The following BTBD9 variants were observed in gnomAD, a reference collection of about 807,000 sequenced individuals.
BTBD9 encodes BTB/POZ domain-containing protein 9.
BTBD9 carries 49 observed loss-of-function variants against 64.3 expected under a neutral mutation model. The ratio of observed to expected loss-of-function variants is 0.76; its 90% CI spans 0.61 to 0.97. BTBD9 has a LOEUF of 0.97. Among genes scored for constraint, BTBD9 ranks in the 50% least tolerant of loss-of-function variants. BTBD9 has a pLI of 0.00. For missense variants in BTBD9, 598 were observed against 762.1 expected, an observed-to-expected ratio of 0.78 and a Z score of 2.53; for synonymous variants, 260 against 274.7, an observed-to-expected ratio of 0.95 and a Z score of 0.53.
At chr6:38,333,832 G>T (rs1000441471) in intron 7 of BTBD9, among the ~76,000 whole-genome samples, 1 of 152,208 alleles carries the variant, frequency 6.6e-6, no homozygotes, top group African/African-American at 2.4e-5. Flanking sequence ...AGAGAAGTGT[G>T]CCATTGCTAC....
At chr6:38,341,713 T>A (rs561541803) in intron 7 of BTBD9, among the ~76,000 whole-genome samples, 2 of 152,316 alleles carry the variant, frequency 1.3e-5, no homozygotes, top group African/African-American at 4.8e-5. Flanking sequence ...GTCTCACTGG[T>A]AAGACAAGTT....
At chr6:38,221,222 A>G (rs563499528) in intron 9 of BTBD9, among the ~76,000 whole-genome samples, 74 of 152,292 alleles carry the variant, frequency 4.9e-4, no homozygotes, top group Non-Finnish European at 8.2e-4. Context: ...CCTACCAGTA[A>G]AAACTTCACA....
At chr6:38,497,752 C>T (rs1253210478) in intron 6 of BTBD9, among the ~76,000 whole-genome samples, 3 of 152,216 alleles carry the variant, frequency 2.0e-5, no homozygotes, top group Non-Finnish European at 4.4e-5. Context: ...GATTTCCAAA[C>T]CTTGTTGCTA....
At chr6:38,586,088 A>G (rs184096564) in intron 4 of BTBD9, among the ~76,000 whole-genome samples, 69 of 152,264 alleles carry the variant, frequency 4.5e-4, no homozygotes, top group African/African-American at 1.7e-3. Flanking sequence ...GCTCCCTACT[A>G]TAAACATTCA....
chr6:38,334,393 C>G (rs1251032035), intron 7 of BTBD9, among the ~76,000 whole-genome samples: 2 of 152,044 alleles, frequency 1.3e-5, no homozygotes, highest in Non-Finnish European at 1.5e-5. Context: ...GAAACTGTCT[C>G]TACTAAAAAT....
intron 6 of BTBD9, among the ~76,000 whole-genome samples, chr6:38,548,919 A>G (rs888150701): frequency 4.6e-5 from 7 of 152,228 alleles, no homozygotes; most frequent in East Asian, 1.9e-4. Context: ...GAAAAAATCA[A>G]TAACTGCAGA....
intron 6 of BTBD9, among the ~76,000 whole-genome samples, chr6:38,386,630 CT>C (rs11423572): frequency 0.19 from 17,928 of 92,762 alleles, 1,098 homozygotes; most frequent in East Asian, 0.5. Flanking sequence ...CCAGTTTACT[CT>C]TTTTTTTTTT....
chr6:38,278,595 A>G (rs12201418), intron 8 of BTBD9, among the ~76,000 whole-genome samples: 19,486 of 152,060 alleles, frequency 0.13, 1,370 homozygotes, highest in Non-Finnish European at 0.16. Context: ...GTGTTGTCCT[A>G]CTCCTGATGG....
intron 6 of BTBD9, among the ~76,000 whole-genome samples, chr6:38,363,536 T>C (rs1012848075): frequency 3.9e-5 from 6 of 152,122 alleles, no homozygotes; most frequent in African/African-American, 1.2e-4. Flanking sequence ...CTATGATTGA[T>C]TGCACCACTG....
intron 8 of BTBD9, among the ~76,000 whole-genome samples, chr6:38,270,891 T>C (rs1444603707): frequency 1.3e-5 from 2 of 152,156 alleles, no homozygotes; most frequent in Non-Finnish European, 2.9e-5. Flanking sequence ...TCTGACTCTG[T>C]CTTGCTTCAC....
At chr6:38,178,622 G>C (rs956976926) in intron 10 of BTBD9, among the ~76,000 whole-genome samples, 8 of 152,026 alleles carry the variant, frequency 5.3e-5, no homozygotes, top group African/African-American at 1.7e-4. Flanking sequence ...GAAGGAAGAG[G>C]CAGCCAAGCT....
intron 6 of BTBD9, among the ~76,000 whole-genome samples, chr6:38,499,513 T>C (rs1359258697): frequency 6.6e-6 from 1 of 152,198 alleles, no homozygotes; most frequent in Non-Finnish European, 1.5e-5. Context: ...TTTGTTATAA[T>C]GGTAAAACTT....
At chr6:38,545,114 CAG>C (rs1235884820) in intron 6 of BTBD9, among the ~76,000 whole-genome samples, 7 of 151,780 alleles carry the variant, frequency 4.6e-5, no homozygotes, top group Admixed American at 3.9e-4. Flanking sequence ...TTTTTTGAGA[CAG>C]AGTCTTGCAC....
At chr6:38,584,904 AG>A (rs1776445089) in intron 4 of BTBD9, among the ~76,000 whole-genome samples, 1 of 152,192 alleles carries the variant, frequency 6.6e-6, no homozygotes, top group Non-Finnish European at 1.5e-5. Context: ...GAAATAAAAA[AG>A]AACCCAGGCA....
intron 7 of BTBD9, among the ~76,000 whole-genome samples, chr6:38,337,673 G>A (rs539801819): frequency 5.3e-5 from 8 of 152,258 alleles, no homozygotes; most frequent in East Asian, 1.9e-4. Context: ...GTGACTGTCC[G>A]GCTACTTTGA....
At chr6:38,312,495 A>C (rs1762874124) in intron 7 of BTBD9, among the ~76,000 whole-genome samples, 1 of 152,150 alleles carries the variant, frequency 6.6e-6, no homozygotes, top group Admixed American at 6.5e-5. Flanking sequence ...AATGGCCTGG[A>C]GAGTTCTTTC....
At chr6:38,298,754 A>T (rs946044709) in intron 7 of BTBD9, among the ~76,000 whole-genome samples, 2 of 152,078 alleles carry the variant, frequency 1.3e-5, no homozygotes, top group East Asian at 1.9e-4. Context: ...CCCAATTATG[A>T]GTAACAACAT....
chr6:38,555,563 A>G (rs901053642), intron 6 of BTBD9, among the ~76,000 whole-genome samples: 1 of 152,238 alleles, frequency 6.6e-6, no homozygotes, highest in African/African-American at 2.4e-5. Context: ...GTAGTGATAA[A>G]CAGTTGTTAG....
intron 1 of BTBD9, among the ~76,000 whole-genome samples, chr6:38,635,886 G>A (rs1778512856): frequency 6.6e-6 from 1 of 152,046 alleles, no homozygotes; most frequent in Non-Finnish European, 1.5e-5. Context: ...ACAAAACAAA[G>A]ACAAGAACTG....
Sources: allele counts gnomAD v4.1 joint callset (sites outside exome capture counted in the v4.1 genomes callset), GRCh38; gene constraint gnomAD v4.1.1; transcripts MANE v1.5; gene names NCBI Gene and HGNC (gene_info 2026-07-23, HGNC 2026-07-21).